PINX1: variants seen among roughly 807,000 people sequenced by gnomAD.
PINX1 encodes the protein PIN2 (TERF1) interacting telomerase inhibitor 1, also known as PIN2/TERF1-interacting telomerase inhibitor 1.
Under a neutral mutation model 25.4 loss-of-function variants are expected in PINX1, and 34 were observed. That is an observed-to-expected ratio of 1.34 (90% confidence interval 1.02 to 1.78). The LOEUF is 1.78. PINX1 is among the 40% of genes most tolerant of loss of function. The pLI is 0.00. For synonymous variants in PINX1, 197 were observed against 147.7 expected (o/e 1.33, Z -2.42); for missense variants, 592 against 404.9 (o/e 1.46, Z -3.97).
chr8:10,830,449 A>G (rs567464916), intron 4 of PINX1, among the ~76,000 whole-genome samples: 67 of 152,316 alleles, frequency 4.4e-4, no homozygotes, highest in African/African-American at 1.6e-3. Context: ...ACCTCTGCAG[A>G]TCCTCACACC....
At chr8:10,807,886 G>A (rs1563222623) in intron 6 of PINX1, among the ~76,000 whole-genome samples, 3 of 152,162 alleles carry the variant, frequency 2.0e-5, no homozygotes, top group African/African-American at 7.2e-5. Flanking sequence ...AGTCCTGAGG[G>A]AGCCGGGAGG....
At chr8:10,768,932 G>A (rs534576384) in intron 6 of PINX1, among the ~76,000 whole-genome samples, 13 of 152,212 alleles carry the variant, frequency 8.5e-5, no homozygotes, top group African/African-American at 3.1e-4. Context: ...TAAGCATTTT[G>A]AAATGACAAT....
intron 6 of PINX1, among the ~76,000 whole-genome samples, chr8:10,812,288 T>C (rs1797546956): frequency 6.6e-6 from 1 of 152,198 alleles, no homozygotes; most frequent in Non-Finnish European, 1.5e-5. Context: ...CCAAGTAATG[T>C]CCTCTCCTTT....
At chr8:10,830,342 T>C (rs1475940376) in intron 4 of PINX1, among the ~76,000 whole-genome samples, 1 of 152,208 alleles carries the variant, frequency 6.6e-6, no homozygotes, top group Non-Finnish European at 1.5e-5. Flanking sequence ...CACACGTCAC[T>C]GCAATAAACC....
chr8:10,834,714 G>C lies in PINX1; in HGVS notation c.81C>G (p.Ser27=). ...PQNTAWSNDD[S]KFGQRMLEKM... is the part of the protein sequence containing the mutation. ...TCTCTAGCATCCGCTGGCCAAACTT[G>C]GAATCGTCATTACTCCAGGCAGTGT... Residue 27 remains serine, a synonymous_variant, in exon 2 of 7, where the codon TCC becomes TCG. Transcript: ENST00000314787. 1 of 1,613,792 alleles carries C rather than the reference G, an allele frequency of 6.2e-7. No homozygotes were observed. Among genetic ancestry groups the C allele is most frequent in the Non-Finnish European group, 8.5e-7 (1 of 1,179,826 alleles).
At chr8:10,832,136 C>T (rs1053026622) in intron 3 of PINX1, among the ~76,000 whole-genome samples, 4 of 152,054 alleles carry the variant, frequency 2.6e-5, no homozygotes, top group Admixed American at 1.3e-4. Flanking sequence ...CAAAAAAATG[C>T]TCTTCTTTGC....
At chr8:10,785,345 T>G (rs1304155629) in intron 6 of PINX1, among the ~76,000 whole-genome samples, 1 of 152,214 alleles carries the variant, frequency 6.6e-6, no homozygotes, top group African/African-American at 2.4e-5. Flanking sequence ...TTTTAATACT[T>G]TACTTTAGAA....
intron 4 of PINX1, among the ~76,000 whole-genome samples, chr8:10,829,217 C>T (rs1043838467): frequency 1.4e-5 from 2 of 138,350 alleles, no homozygotes; most frequent in South Asian, 2.3e-4. Flanking sequence ...ACCCGGGAGG[C>T]GGAGGTTGCG....
chr8:10,767,136 A>C (rs1801077777), intron 6 of PINX1, among the ~76,000 whole-genome samples: 1 of 152,180 alleles, frequency 6.6e-6, no homozygotes, highest in Admixed American at 6.5e-5. Flanking sequence ...AGGGTGGGAA[A>C]CGGCTCCTGA....
chr8:10,810,236 G>C (rs945134509), intron 6 of PINX1, among the ~76,000 whole-genome samples: 1 of 152,220 alleles, frequency 6.6e-6, no homozygotes, highest in African/African-American at 2.4e-5. Flanking sequence ...CATATCAGAA[G>C]CCTTCAGACA....
intron 6 of PINX1, among the ~76,000 whole-genome samples, chr8:10,809,169 G>A (rs1165434709): frequency 6.6e-6 from 1 of 152,196 alleles, no homozygotes; most frequent in African/African-American, 2.4e-5. Flanking sequence ...GCCCTGTGGA[G>A]TGACCAAAAG....
At chr8:10,812,377 T>G (rs1440306671) in intron 6 of PINX1, among the ~76,000 whole-genome samples, 1 of 152,196 alleles carries the variant, frequency 6.6e-6, no homozygotes, top group Non-Finnish European at 1.5e-5. Flanking sequence ...TTTCACGTGT[T>G]CTCTTTACTC....
chr8:10,809,996 G>A (rs915590043), intron 6 of PINX1, among the ~76,000 whole-genome samples: 1 of 152,234 alleles, frequency 6.6e-6, no homozygotes, highest in African/African-American at 2.4e-5. Flanking sequence ...ATGGTGGAAG[G>A]AGAAGGGAGA....
chr8:10,838,167 T>C (rs1482607884), intron 1 of PINX1, among the ~76,000 whole-genome samples: 21 of 152,256 alleles, frequency 1.4e-4, no homozygotes. Flanking sequence ...GGCTGCCCAA[T>C]TCTTGAATCA....
chr8:10,793,465 T>G (rs1026323020), intron 6 of PINX1, among the ~76,000 whole-genome samples: 3 of 152,120 alleles, frequency 2.0e-5, no homozygotes, highest in Non-Finnish European at 4.4e-5. Context: ...TAAAAAAAAT[T>G]GCAAAAATAT....
chr8:10,813,005 G>A (rs571358249), intron 6 of PINX1, among the ~76,000 whole-genome samples: 6 of 152,326 alleles, frequency 3.9e-5, no homozygotes, highest in African/African-American at 1.4e-4. Flanking sequence ...CCTTAAAGCA[G>A]TGAAAATGTT....
At chr8:10,835,028 G>A (rs1798357113) in intron 1 of PINX1, among the ~76,000 whole-genome samples, 1 of 152,120 alleles carries the variant, frequency 6.6e-6, no homozygotes, top group African/African-American at 2.4e-5. Flanking sequence ...CTCATAATGT[G>A]GCAAAGCAAA....
intron 6 of PINX1, among the ~76,000 whole-genome samples, chr8:10,804,887 C>T (rs1802389925): frequency 6.6e-6 from 1 of 151,958 alleles, no homozygotes; most frequent in Non-Finnish European, 1.5e-5. Flanking sequence ...TACTCAACAT[C>T]ATTCTCATAT....
chr8:10,769,819 C>T (rs1204531873), intron 6 of PINX1, among the ~76,000 whole-genome samples: 1 of 152,204 alleles, frequency 6.6e-6, no homozygotes, highest in Non-Finnish European at 1.5e-5. Flanking sequence ...CGACTCCTAG[C>T]TCCCACCTCA....
Sources: allele counts gnomAD v4.1 joint callset (sites outside exome capture counted in the v4.1 genomes callset), GRCh38; gene constraint gnomAD v4.1.1; transcripts MANE v1.5; gene names NCBI Gene and HGNC (gene_info 2026-07-23, HGNC 2026-07-21).